SPEF2: variants seen among roughly 807,000 people sequenced by gnomAD.
The protein encoded by SPEF2 is sperm flagellar and cilia associated 2.
Under a neutral mutation model 224.6 loss-of-function variants are expected in SPEF2, and 187 were observed. That is an observed-to-expected ratio of 0.83 (90% confidence interval 0.74 to 0.94). The LOEUF (loss-of-function observed/expected upper bound fraction) is 0.94. Among genes scored for constraint, SPEF2 ranks in the 40% least tolerant of loss-of-function variants. The pLI is 0.00. For missense variants in SPEF2, 2,170 were observed against 2,135.6 expected (o/e 1.02, Z -0.32); for synonymous variants, 715 against 707.3 (o/e 1.01, Z -0.17).
intron 23 of SPEF2, among the ~76,000 whole-genome samples, chr5:35,742,340 A>G (rs1455536563): frequency 6.6e-6 from 1 of 152,128 alleles, no homozygotes; most frequent in Non-Finnish European, 1.5e-5. Flanking sequence ...AAACTTTTTT[A>G]AGTGAAACTT....
intron 2 of SPEF2, among the ~76,000 whole-genome samples, chr5:35,640,262 A>G (rs1178116861): frequency 3.9e-5 from 6 of 152,144 alleles, no homozygotes. Flanking sequence ...CTGTAGCCCA[A>G]GGTTATAACC....
chr5:35,630,688 T>G (rs1438330837), intron 2 of SPEF2, among the ~76,000 whole-genome samples: 1 of 151,472 alleles, frequency 6.6e-6, no homozygotes, highest in African/African-American at 2.4e-5. Flanking sequence ...AGAGCGAGAC[T>G]CCGTCTCAAA....
intron 18 of SPEF2, 23 bp from the exon 19 acceptor site, chr5:35,708,925 C>A (rs1412759693): frequency 1.3e-6 from 2 of 1,591,770 alleles, no homozygotes; most frequent in Admixed American, 1.9e-5. Flanking sequence ...TAATGAAGGT[C>A]AATTCTTATC....
At chr5:35,739,117 A>G (rs1747143626) in intron 21 of SPEF2, among the ~76,000 whole-genome samples, 1 of 152,184 alleles carries the variant, frequency 6.6e-6, no homozygotes, top group Admixed American at 6.5e-5. Flanking sequence ...GAAATTTTGA[A>G]TTTTGAATTT....
intron 26 of SPEF2, among the ~76,000 whole-genome samples, chr5:35,768,153 T>C (rs1212770003): frequency 6.6e-6 from 1 of 152,088 alleles, no homozygotes; most frequent in Non-Finnish European, 1.5e-5. Flanking sequence ...ACATCAAACA[T>C]AATATAATAA....
chr5:35,673,870 A>T (rs1426011523), intron 10 of SPEF2, among the ~76,000 whole-genome samples: 1 of 152,178 alleles, frequency 6.6e-6, no homozygotes, highest in African/African-American at 2.4e-5. Context: ...ACTACAGCAC[A>T]TGTATGGACA....
At chr5:35,618,757 T>C (rs1743026154) in intron 1 of SPEF2, among the ~76,000 whole-genome samples, 1 of 152,224 alleles carries the variant, frequency 6.6e-6, no homozygotes, top group African/African-American at 2.4e-5. Flanking sequence ...AACCATGCAG[T>C]TGCCACCCAA....
chr5:35,737,426 A>T (rs1746811492), intron 21 of SPEF2, among the ~76,000 whole-genome samples: 1 of 134,370 alleles, frequency 7.4e-6, no homozygotes, highest in South Asian at 2.3e-4. Flanking sequence ...AAGTGTTCTC[A>T]TTATTCAATT....
At chr5:35,756,338 G>A (rs1750444115) in intron 24 of SPEF2, among the ~76,000 whole-genome samples, 1 of 152,300 alleles carries the variant, frequency 6.6e-6, no homozygotes, top group African/African-American at 2.4e-5. Flanking sequence ...ATCCCCCATG[G>A]ATAAGGGAGT....
At chr5:35,713,750 T>TAC (rs1435929754) in intron 20 of SPEF2, among the ~76,000 whole-genome samples, 1 of 128,832 alleles carries the variant, frequency 7.8e-6, no homozygotes, top group African/African-American at 3.0e-5. Flanking sequence ...TATATATATT[T>TAC]TATATATATT....
chr5:35,644,625 G>A, intron 4 of SPEF2, 100 bp downstream of exon 4: 1 of 894,550 alleles, frequency 1.1e-6, no homozygotes, highest in African/African-American at 1.7e-5. Context: ...TGGAGCACAA[G>A]TTGCACTTCC....
intron 33 of SPEF2, among the ~76,000 whole-genome samples, chr5:35,798,479 C>G (rs1225697760): frequency 6.6e-6 from 1 of 152,184 alleles, no homozygotes; most frequent in East Asian, 1.9e-4. Context: ...CCCTCCTCCA[C>G]GTCATTGGTC....
chr5:35,739,846 TG>T (rs1363988213), intron 21 of SPEF2, 72 bp from the exon 22 acceptor site: 1 of 1,563,836 alleles, frequency 6.4e-7, no homozygotes, highest in Non-Finnish European at 8.7e-7. Flanking sequence ...TGCTTGGGAC[TG>T]TTCTTTTGAC....
At chr5:35,713,200 A>G (rs2149603324) in intron 20 of SPEF2, among the ~76,000 whole-genome samples, 1 of 152,270 alleles carries the variant, frequency 6.6e-6, no homozygotes, top group South Asian at 2.1e-4. Context: ...TACTGAATCA[A>G]GTTTTCTTGG....
rs779640746 is a variant in SPEF2, at chr5:35,700,477, T to C, written c.2142-19T>C. ...TTGTGTCTAACAAAATATTCATGAG[T>C]TGTCCTGTTTCAATTTAGTGAGATA... is the stretch of plus-strand genomic sequence containing the variant. On this transcript the variant is annotated intron_variant, in intron 15 of 36. Transcript: ENST00000356031. 2.2e-5 allele frequency: 35 copies of C among 1,599,210 alleles called. No individual in the cohort carries two copies. Among genetic ancestry groups the C allele is most frequent in the Non-Finnish European group, 2.8e-5 (33 of 1,172,476 alleles).
chr5:35,737,969 G>A (rs1039175598), intron 21 of SPEF2, among the ~76,000 whole-genome samples: 1 of 152,188 alleles, frequency 6.6e-6, no homozygotes, highest in Admixed American at 6.5e-5. Context: ...GGCCAGTGAT[G>A]ATGAGCATTT....
Position 35,670,143 on chromosome 5 carries a change from A to G in SPEF2, c.1440A>G (p.Thr480=). ...TATATGAACAAGCCTCTGTTAAGACACTACCTGCTAACCCCTCAAGAGAAC... is the reference window on the plus strand; with the variant it reads ...TATATGAACAAGCCTCTGTTAAGACGCTACCTGCTAACCCCTCAAGAGAAC... ...KPIYEQASVK[T]LPANPSREQL... The change falls in exon 10 of 37, where the codon ACA becomes ACG. Residue 480 remains threonine (T), a synonymous_variant. Transcript: ENST00000356031. 6.2e-7 allele frequency: 1 copy of G among 1,612,614 alleles called. No individual in the cohort carries two copies. Among genetic ancestry groups the G allele is most frequent in the Non-Finnish European group, 8.5e-7 (1 of 1,179,046 alleles).
intron 34 of SPEF2, among the ~76,000 whole-genome samples, chr5:35,800,530 C>A (rs1454887626): frequency 6.6e-6 from 1 of 152,164 alleles, no homozygotes; most frequent in African/African-American, 2.4e-5. Flanking sequence ...TACATGCACA[C>A]CACATATATG....
At chr5:35,790,115 G>A (rs1406112078) in intron 30 of SPEF2, 1 of 702,902 alleles carries the variant, frequency 1.4e-6, no homozygotes, top group African/African-American at 1.7e-5. Flanking sequence ...TCGACCTAGT[G>A]TTGACCCTTC....
Sources: gnomAD v4.1 joint callset for allele counts (sites outside exome capture counted in the v4.1 genomes callset) on GRCh38, gnomAD v4.1.1 for gene constraint, MANE v1.5 for transcripts, NCBI Gene and HGNC (gene_info 2026-07-23, HGNC 2026-07-21) for gene names.